Variants in GRK3 observed in about 807,000 individuals in gnomAD.
GRK3 encodes the protein adrenergic, beta, receptor kinase 2.
A neutral mutation model predicts 95.7 loss-of-function variants in GRK3; 54 were observed. That is an observed-to-expected ratio of 0.56 (90% confidence interval 0.45 to 0.71). The LOEUF is 0.71. GRK3 is among the 30% of genes least tolerant of loss of function. GRK3 has a pLI of 0.00. For synonymous variants in GRK3, 281 were observed against 290.8 expected, an observed-to-expected ratio of 0.97 and a Z score of 0.34; for missense variants, 649 against 851.2, an observed-to-expected ratio of 0.76 and a Z score of 2.96.
At chr22:25,697,136 C>A (rs2085215373) in intron 13 of GRK3, among the ~76,000 whole-genome samples, 2 of 152,222 alleles carry the variant, frequency 1.3e-5, no homozygotes, top group South Asian at 4.1e-4. Context: ...ATGTAAAAAT[C>A]AGCAGTAAAA....
chr22:25,583,092 C>T (rs1932160038), intron 1 of GRK3, among the ~76,000 whole-genome samples: 1 of 152,182 alleles, frequency 6.6e-6, no homozygotes, highest in Admixed American at 6.5e-5. Flanking sequence ...CTAACTGGCT[C>T]TTGTCCTAGG....
At chr22:25,708,519 G>A (rs1450428228) in intron 15 of GRK3, among the ~76,000 whole-genome samples, 1 of 152,190 alleles carries the variant, frequency 6.6e-6, no homozygotes, top group Non-Finnish European at 1.5e-5. Flanking sequence ...TCTGGGCTGG[G>A]CGAGATGCCC....
At chr22:25,569,159 T>C (rs1351123252) in intron 1 of GRK3, among the ~76,000 whole-genome samples, 2 of 152,248 alleles carry the variant, frequency 1.3e-5, no homozygotes, top group South Asian at 2.1e-4. Flanking sequence ...AAAGTCCACG[T>C]TGAAAGCACA....
intron 15 of GRK3, 91 bp from the exon 16 acceptor site, chr22:25,709,807 C>A: frequency 3.4e-6 from 3 of 885,982 alleles, no homozygotes; most frequent in South Asian, 3.0e-5. Context: ...AATACTTGCT[C>A]CCCTGTATTG....
intron 2 of GRK3, among the ~76,000 whole-genome samples, chr22:25,608,708 G>A (rs1178344244): frequency 6.6e-6 from 1 of 152,210 alleles, no homozygotes; most frequent in South Asian, 2.1e-4. Flanking sequence ...AACTGGAATG[G>A]GTTTGGAGGC....
intron 13 of GRK3, among the ~76,000 whole-genome samples, chr22:25,697,432 A>G (rs914823188): frequency 1.3e-5 from 2 of 152,224 alleles, no homozygotes; most frequent in African/African-American, 4.8e-5. Flanking sequence ...TGATGGAAGC[A>G]TTATGTTCAG....
intron 6 of GRK3, among the ~76,000 whole-genome samples, chr22:25,672,019 T>C (rs953552182): frequency 6.6e-6 from 1 of 152,234 alleles, no homozygotes; most frequent in Non-Finnish European, 1.5e-5. Context: ...ACATTATATA[T>C]GTGGTTCATA....
chr22:25,639,718 T>C (rs891350992), intron 2 of GRK3, among the ~76,000 whole-genome samples: 1 of 152,166 alleles, frequency 6.6e-6, no homozygotes. Flanking sequence ...GTTGGAGTTA[T>C]GATTGTAATT....
chr22:25,714,374 A>C (rs1475778867), intron 17 of GRK3, 34 bp from the exon 18 acceptor site: 19 of 1,584,450 alleles, frequency 1.2e-5, no homozygotes, highest in Non-Finnish European at 1.6e-5. Context: ...AAGTATGTTA[A>C]ATCATAAATA....
At chr22:25,587,484 A>G (rs1288353029) in intron 1 of GRK3, among the ~76,000 whole-genome samples, 2 of 152,088 alleles carry the variant, frequency 1.3e-5, no homozygotes, top group African/African-American at 4.8e-5. Context: ...GCTGGAGTGC[A>G]GTGGCGCGAT....
At chr22:25,587,028 G>T (rs1601454413) in intron 1 of GRK3, among the ~76,000 whole-genome samples, 1 of 152,020 alleles carries the variant, frequency 6.6e-6, no homozygotes, top group Non-Finnish European at 1.5e-5. Context: ...GGGATTACAG[G>T]TGCCTGCCAC....
intron 5 of GRK3, among the ~76,000 whole-genome samples, chr22:25,665,956 C>T (rs952273197): frequency 3.9e-5 from 6 of 152,176 alleles, no homozygotes; most frequent in African/African-American, 1.4e-4. Context: ...GCACTGTGCC[C>T]TGAGCTCGGC....
At chr22:25,668,731 G>A (rs929957766) in intron 6 of GRK3, among the ~76,000 whole-genome samples, 2 of 152,202 alleles carry the variant, frequency 1.3e-5, no homozygotes, top group African/African-American at 4.8e-5. Flanking sequence ...CAAGTCCTGG[G>A]CCATCTCCAT....
At chr22:25,566,427 C>T (rs1931487920) in intron 1 of GRK3, among the ~76,000 whole-genome samples, 1 of 152,060 alleles carries the variant, frequency 6.6e-6, no homozygotes, top group African/African-American at 2.4e-5. Flanking sequence ...CAGAAAATAC[C>T]AGTCCCCTTG....
chr22:25,658,753 G>A (rs2084890178), intron 3 of GRK3, among the ~76,000 whole-genome samples: 1 of 152,142 alleles, frequency 6.6e-6, no homozygotes, highest in Non-Finnish European at 1.5e-5. Context: ...TTGGATGTAG[G>A]GGGTGGTGGT....
At chr22:25,681,407 G>A (rs1250597240) in intron 9 of GRK3, among the ~76,000 whole-genome samples, 1 of 152,116 alleles carries the variant, frequency 6.6e-6, no homozygotes, top group African/African-American at 2.4e-5. Flanking sequence ...TCTGAAGTTG[G>A]GGGTTACCTG....
intron 3 of GRK3, among the ~76,000 whole-genome samples, chr22:25,644,983 A>C (rs935979220): frequency 6.6e-5 from 10 of 152,258 alleles, no homozygotes; most frequent in African/African-American, 2.4e-4. Flanking sequence ...GAAGCGTGCT[A>C]GTTCTGGAGA....
intron 2 of GRK3, among the ~76,000 whole-genome samples, chr22:25,622,837 G>A (rs534158726): frequency 6.6e-6 from 1 of 152,332 alleles, no homozygotes; most frequent in East Asian, 1.9e-4. Context: ...GAACTGAATA[G>A]GGAAGAGAAG....
intron 3 of GRK3, chr22:25,648,938 G>C: frequency 2.2e-6 from 2 of 889,010 alleles, no homozygotes; most frequent in Non-Finnish European, 3.9e-6. Context: ...AAGTTGCACT[G>C]TATGGTGGGT....
Sources: gnomAD v4.1 joint callset for allele counts (sites outside exome capture counted in the v4.1 genomes callset) on GRCh38, gnomAD v4.1.1 for gene constraint, MANE v1.5 for transcripts, NCBI Gene and HGNC (gene_info 2026-07-23, HGNC 2026-07-21) for gene names.